The following SYT2 variants were observed in gnomAD, a reference collection of about 807,000 sequenced individuals.
The protein encoded by SYT2 is synaptotagmin 2.
In SYT2, 15 loss-of-function variants were observed where a neutral mutation model predicts 39.9. The ratio of observed to expected loss-of-function variants is 0.38; its 90% confidence interval spans 0.25 to 0.58. SYT2 has a LOEUF of 0.58. SYT2 is among the 20% of genes least tolerant of loss of function. SYT2 has a pLI of 0.70. For synonymous variants in SYT2, 181 were observed against 204.5 expected, an observed-to-expected ratio of 0.89 and a Z score of 0.98; for missense variants, 389 against 530.3, an observed-to-expected ratio of 0.73 and a Z score of 2.62.
At chr1:202,625,075 T>A (rs1227761659) in intron 1 of SYT2, among the ~76,000 whole-genome samples, 1 of 151,316 alleles carries the variant, frequency 6.6e-6, no homozygotes, top group African/African-American at 2.4e-5. Flanking sequence ...TGTAGTAGGG[T>A]GTGTGTGTGG....
At chr1:202,625,031 G>A in intron 1 of SYT2, among the ~76,000 whole-genome samples, 1 of 1,368 alleles carries the variant, frequency 7.3e-4, no homozygotes, top group Non-Finnish European at 2.3e-3. Context: ...GGTTGTGTGT[G>A]TGGTGTGTGT....
At chr1:202,673,619 T>C (rs1371222867) in intron 1 of SYT2, among the ~76,000 whole-genome samples, 4 of 152,206 alleles carry the variant, frequency 2.6e-5, no homozygotes, top group South Asian at 2.1e-4. Context: ...AATGAGGCCA[T>C]AGTTACCTTG....
chr1:202,660,874 G>T (rs1338621849), intron 1 of SYT2, among the ~76,000 whole-genome samples: 1 of 152,110 alleles, frequency 6.6e-6, no homozygotes, highest in Admixed American at 6.6e-5. Context: ...GGGCGCCTAT[G>T]CTCGCAGCAC....
intron 1 of SYT2, among the ~76,000 whole-genome samples, chr1:202,606,973 T>G (rs970877251): frequency 6.6e-5 from 10 of 152,148 alleles, no homozygotes; most frequent in African/African-American, 2.4e-4. Context: ...CTACATAATA[T>G]CCTACTATAT....
At chr1:202,706,276 A>C (rs1303178316) in intron 1 of SYT2, among the ~76,000 whole-genome samples, 1 of 152,080 alleles carries the variant, frequency 6.6e-6, no homozygotes, top group Non-Finnish European at 1.5e-5. Flanking sequence ...TGCAGGACTG[A>C]CCACCAAGAC....
chr1:202,668,811 C>T (rs1692527749), intron 1 of SYT2, among the ~76,000 whole-genome samples: 1 of 152,196 alleles, frequency 6.6e-6, no homozygotes, highest in South Asian at 2.1e-4. Flanking sequence ...AAGGCATCTC[C>T]TCAAAGACAG....
intron 1 of SYT2, among the ~76,000 whole-genome samples, chr1:202,646,378 C>CCT (rs1692081552): frequency 6.6e-6 from 1 of 152,222 alleles, no homozygotes; most frequent in African/African-American, 2.4e-5. Flanking sequence ...TTCCCTGACC[C>CCT]CTCTCCCTGT....
At chr1:202,606,640 C>T (rs1343622873) in intron 1 of SYT2, among the ~76,000 whole-genome samples, 5 of 152,182 alleles carry the variant, frequency 3.3e-5, no homozygotes, top group South Asian at 2.1e-4. Context: ...CCTTCCTCCC[C>T]GGTCTACTCT....
chr1:202,642,505 C>G (rs1481847548), intron 1 of SYT2, among the ~76,000 whole-genome samples: 1 of 152,206 alleles, frequency 6.6e-6, no homozygotes, highest in Non-Finnish European at 1.5e-5. Flanking sequence ...CCCCTCCCAT[C>G]GCCCACCCGG....
At chr1:202,666,276 G>A (rs1001465384) in intron 1 of SYT2, among the ~76,000 whole-genome samples, 1 of 152,062 alleles carries the variant, frequency 6.6e-6, no homozygotes, top group African/African-American at 2.4e-5. Flanking sequence ...AATTTCCCCA[G>A]TGATCAGACA....
chr1:202,689,136 G>A (rs976536164), intron 1 of SYT2, among the ~76,000 whole-genome samples: 2 of 152,160 alleles, frequency 1.3e-5, no homozygotes, highest in African/African-American at 4.8e-5. Flanking sequence ...CTGCTGAGCT[G>A]TGATCAGGAA....
At chr1:202,668,034 C>T (rs1692514387) in intron 1 of SYT2, among the ~76,000 whole-genome samples, 1 of 152,108 alleles carries the variant, frequency 6.6e-6, no homozygotes, top group African/African-American at 2.4e-5. Context: ...GCAATCCTCC[C>T]TCTCAGCACC....
chr1:202,688,443 C>T (rs1653731038), intron 1 of SYT2, among the ~76,000 whole-genome samples: 1 of 152,242 alleles, frequency 6.6e-6, no homozygotes, highest in Non-Finnish European at 1.5e-5. Context: ...CAGGTCCTCC[C>T]TGTTCCCCCT....
chr1:202,669,394 G>A (rs1443112802), intron 1 of SYT2, among the ~76,000 whole-genome samples: 2 of 151,906 alleles, frequency 1.3e-5, no homozygotes, highest in East Asian at 1.9e-4. Flanking sequence ...GCTCACACCT[G>A]TAATCCCAGC....
At chr1:202,693,646 G>A (rs1453390666) in intron 1 of SYT2, among the ~76,000 whole-genome samples, 3 of 152,136 alleles carry the variant, frequency 2.0e-5, no homozygotes, top group African/African-American at 7.2e-5. Context: ...ATCTTTCAAG[G>A]TCATACCTCC....
intron 1 of SYT2, among the ~76,000 whole-genome samples, chr1:202,627,265 GGTGGGAAC>G (rs1382267719): frequency 6.6e-6 from 1 of 152,218 alleles, no homozygotes; most frequent in Non-Finnish European, 1.5e-5. Context: ...AGGGCTGTGA[GGTGGGAAC>G]GTGCCTTGTT....
rs1034185081 is a variant in SYT2, at chr1:202,594,882, C to G, written c.*1875G>C. The G allele has an allele frequency of 1.3e-5, 2 of 152,236 alleles. No homozygotes were observed. Among genetic ancestry groups the G allele is most frequent in the Non-Finnish European group, 2.9e-5 (2 of 68,074 alleles). 9.4% of individuals were successfully genotyped at this position (152,236 alleles called of 1,614,324 possible). A position where few individuals can be genotyped will look rare whatever the true frequency, so the allele number is the denominator to read the frequency against. On this transcript the variant is annotated 3_prime_UTR_variant, in exon 9 of 9. Coordinates refer to ENST00000367268, the MANE Select transcript of SYT2 (RefSeq NM_177402.5). Reference sequence around the variant, plus strand: ...AAGCAAAACCAAAAGCCCCTTCCCCCTTTTTAAAATAAAATAAAAAGACAC... The same window carrying G: ...AAGCAAAACCAAAAGCCCCTTCCCCGTTTTTAAAATAAAATAAAAAGACAC...
At chr1:202,694,800 C>CCTT (rs1163610203) in intron 1 of SYT2, among the ~76,000 whole-genome samples, 1 of 151,938 alleles carries the variant, frequency 6.6e-6, no homozygotes, top group Non-Finnish European at 1.5e-5. Context: ...TCCTCCTCCT[C>CCTT]CTTCTCTCCC....
At chr1:202,637,945 A>C (rs1385162559) in intron 1 of SYT2, among the ~76,000 whole-genome samples, 4 of 152,234 alleles carry the variant, frequency 2.6e-5, no homozygotes, top group Admixed American at 2.0e-4. Flanking sequence ...CATTCCCAAG[A>C]GAATAAGGGA....
Sources: allele counts gnomAD v4.1 joint callset (sites outside exome capture counted in the v4.1 genomes callset), GRCh38; gene constraint gnomAD v4.1.1; transcripts MANE v1.5; gene names NCBI Gene and HGNC (gene_info 2026-07-23, HGNC 2026-07-21).